The following GCLC variants were observed in gnomAD, a reference collection of about 807,000 sequenced individuals.
GCLC encodes the protein glutamate-cysteine ligase catalytic subunit, also known as glutamate--cysteine ligase catalytic subunit.
Under a neutral mutation model 81.5 loss-of-function variants are expected in GCLC, and 30 were observed. That is an observed-to-expected ratio of 0.37 (90% CI 0.28 to 0.50). The LOEUF (loss-of-function observed/expected upper bound fraction) is 0.50, where lower values mean the gene tolerates loss of function less well. GCLC is among the 20% of genes least tolerant of loss of function. The probability of loss-of-function intolerance (pLI) is 0.96; values close to 1 mark genes in which losing one functional copy is unlikely to be tolerated. For missense variants in GCLC, 556 were observed against 777.4 expected (o/e 0.72, Z 3.39); for synonymous variants, 262 against 273.3 (o/e 0.96, Z 0.41).
intron 1 of GCLC, among the ~76,000 whole-genome samples, chr6:53,534,317 G>A (rs1221790694): frequency 1.3e-5 from 2 of 152,048 alleles, no homozygotes; most frequent in African/African-American, 2.4e-5. Flanking sequence ...TAAATCTTGG[G>A]TGCTGGCAAG....
chr6:53,520,550 C>G (rs565353167), intron 3 of GCLC, among the ~76,000 whole-genome samples: 1 of 152,318 alleles, frequency 6.6e-6, no homozygotes, highest in East Asian at 1.9e-4. Flanking sequence ...TCCCACTGAG[C>G]CCCCACTGAG....
In GCLC at chr6:53,506,259, C is replaced by A. The variant is rs971786125; in HGVS notation, c.1198-364G>T. 6.2e-6 allele frequency: 2 copies of A among 322,308 alleles called. No individual in the cohort carries two copies. The highest frequency in any genetic ancestry group is 5.6e-5 in the South Asian group (2 of 35,690). 20.0% of individuals were successfully genotyped at this position (322,308 alleles called of 1,614,324 possible). The stretch of plus-strand genomic sequence containing the variant: ...GACACTGGACACTTTCATCTGAGAA[C>A]CCTGTCACATGACAGTTGTTTCCTT... On this transcript the variant is annotated intron_variant, in intron 10 of 15. Coordinates refer to ENST00000650454, the MANE Select transcript of GCLC (RefSeq NM_001498.4). The surrounding 1 kb of genome is among the most constrained non-coding windows in gnomAD (Gnocchi z 4.0).
intron 2 of GCLC, among the ~76,000 whole-genome samples, chr6:53,522,095 A>G (rs1009370896): frequency 3.3e-5 from 5 of 152,278 alleles, no homozygotes; most frequent in Admixed American, 6.5e-5. Flanking sequence ...AAAATGTTTT[A>G]ATAAAAAACA....
rs553851570 is a variant in GCLC at position 53,544,914 on chromosome 6, C to A, written c.-269G>T. 7.8e-4 allele frequency: 216 copies of A among 277,046 alleles called. No homozygotes were observed. The highest frequency in any genetic ancestry group is 1.3e-3 in the Non-Finnish European group (188 of 149,174). The allele number at this position is 277,046 out of a possible 1,614,324, so 17.2% of individuals were successfully genotyped here. A position where few individuals can be genotyped will look rare whatever the true frequency, so the allele number is the denominator to read the frequency against. On this transcript the variant is annotated 5_prime_UTR_variant, in exon 1 of 16. Coordinates refer to ENST00000650454, the MANE Select transcript of GCLC (RefSeq NM_001498.4). ...GCAGGCGGGACGGCTCTCGGCCCGG[C>A]GGCCTCGCCCTCCCCGCTGCTCCTC...
intron 1 of GCLC, among the ~76,000 whole-genome samples, chr6:53,526,536 T>C (rs566894142): frequency 1.5e-4 from 23 of 152,210 alleles, no homozygotes; most frequent in East Asian, 7.7e-4. Context: ...CGGTGGCTCA[T>C]GCCTGTAATC....
At chr6:53,532,417 A>C (rs1763189594) in intron 1 of GCLC, among the ~76,000 whole-genome samples, 2 of 152,342 alleles carry the variant, frequency 1.3e-5, no homozygotes, top group East Asian at 3.9e-4. Context: ...TCCAGGAATA[A>C]AGTTTTTGTT....
intron 3 of GCLC, among the ~76,000 whole-genome samples, chr6:53,518,239 T>C (rs1434672617): frequency 6.6e-6 from 1 of 152,070 alleles, no homozygotes; most frequent in Non-Finnish European, 1.5e-5. Context: ...AGATGCTGAA[T>C]CTTTTTATTT....
Position 53,498,850 on chromosome 6 carries a change from T to C in GCLC, c.1820A>G (p.Gln607Arg), listed in dbSNP as rs763988143. The C allele has an allele frequency of 1.9e-6, 3 of 1,612,576 alleles. No individual in the cohort carries two copies. Among genetic ancestry groups the C allele is most frequent in the Admixed American group, 3.3e-5 (2 of 60,018 alleles). The part of the protein sequence containing the change: ...MNYSLILKCN[Q>R]IANELCECPE... Reference sequence around the variant, plus strand: ...GCATTCACATAATTCATTTGCAATTTGGTTACACTTCAAAATAAGGCTATA... The same window carrying C: ...GCATTCACATAATTCATTTGCAATTCGGTTACACTTCAAAATAAGGCTATA... The change falls in exon 16 of 16, where the codon CAA (glutamine) becomes CGA (arginine). Residue 607 changes from glutamine to arginine, a missense_variant. By Grantham distance (43) the Gln-to-Arg change is conservative. This residue lies in a region of GCLC where 313 missense variants were observed against 437.3 expected (regional missense o/e 0.72). Transcript: ENST00000650454.
At chr6:53,516,334 T>A (rs1764871358) in intron 3 of GCLC, 112 bp from the exon 4 acceptor site, 2 of 734,128 alleles carry the variant, frequency 2.7e-6, no homozygotes, top group Non-Finnish European at 5.0e-6. Context: ...TATCCCCTTT[T>A]CAGAGGGCTT....
intron 12 of GCLC, 145 bp downstream of exon 12, chr6:53,505,247 A>T (rs932872491): frequency 3.1e-6 from 2 of 648,418 alleles, no homozygotes; most frequent in Non-Finnish European, 5.5e-6. Flanking sequence ...TTAAAAGAAA[A>T]TAAAGAATAG....
intron 6 of GCLC, among the ~76,000 whole-genome samples, chr6:53,510,954 T>G (rs912053418): frequency 6.6e-6 from 1 of 152,226 alleles, no homozygotes; most frequent in Non-Finnish European, 1.5e-5. Flanking sequence ...ATTAAGTCAC[T>G]GATAACCAAA....
rs181411098 is a variant in GCLC, at chr6:53,507,580, T to A, written c.984A>T (p.Arg328=). Reference sequence around the variant, plus strand: ...ATAAATAGCTGTCTATTGAGTCATATCGGGATTTACTGATCCTATAGTTAT... The same window carrying A: ...ATAAATAGCTGTCTATTGAGTCATAACGGGATTTACTGATCCTATAGTTAT... The part of the protein sequence containing the change: ...KNNNYRISKS[R]YDSIDSYLSK... The change falls in exon 9 of 16, where the codon CGA becomes CGT. Residue 328 remains arginine (R), a synonymous_variant. Transcript: ENST00000650454. 154 of 1,574,008 alleles carry A rather than the reference T, an allele frequency of 9.8e-5. 2 individuals carry two copies. In the East Asian group the frequency reaches 2.8e-3, roughly 29 times the overall value.
intron 3 of GCLC, among the ~76,000 whole-genome samples, chr6:53,520,466 G>A (rs1010963947): frequency 1.3e-5 from 2 of 152,210 alleles, no homozygotes; most frequent in African/African-American, 4.8e-5. Context: ...TGTGGCAGGC[G>A]TGCTGCTCCC....
rs765554330 is a variant in GCLC at position 53,500,323 on chromosome 6, C to A, written c.1505G>T (p.Gly502Val). Residue 502 changes from glycine (G) to valine (V), a missense_variant, in exon 14 of 16, where the codon GGC becomes GTC. Gly to Val is a moderately radical substitution (Grantham distance 109). Around this residue, in one of 3 missense-constraint regions of GCLC, gnomAD observed 313 missense variants for 437.3 expected, o/e 0.72. Coordinates refer to ENST00000650454, the MANE Select transcript of GCLC (RefSeq NM_001498.4). ...KGGNAVVDGC[G>V]KAQNSTELAA... ...GAGCTCCGTGCTGTTCTGGGCCTTGCCACAACCATCCACCACTGCATTGCC... is the reference window on the plus strand; with the variant it reads ...GAGCTCCGTGCTGTTCTGGGCCTTGACACAACCATCCACCACTGCATTGCC... 5 of 1,614,072 alleles carry A rather than the reference C, an allele frequency of 3.1e-6. No individual in the cohort carries two copies. The highest frequency in any genetic ancestry group is 1.7e-5 in the Admixed American group (1 of 60,008).
At position 53,506,777 on chromosome 6, in the gene GCLC, T is replaced by C. The variant is rs1764623440; in HGVS notation, c.1197+136A>G. 3.0e-6 allele frequency: 2 copies of C among 666,358 alleles called. No homozygotes were observed. Among genetic ancestry groups the C allele is most frequent in the African/African-American group, 1.8e-5 (1 of 54,866 alleles). 41.3% of individuals were successfully genotyped at this position (666,358 alleles called of 1,614,324 possible). ...CTGGGTAAATGAAAGTCTTATGAAATTTCTTTTGTGTTCTCCACAGGTACA... is the reference window on the plus strand; with the variant it reads ...CTGGGTAAATGAAAGTCTTATGAAACTTCTTTTGTGTTCTCCACAGGTACA... On this transcript the variant is annotated intron_variant, in intron 10 of 15. Coordinates refer to ENST00000650454, the MANE Select transcript of GCLC (RefSeq NM_001498.4). The surrounding 1 kb of genome is among the most constrained non-coding windows in gnomAD (Gnocchi z 4.0).
At chr6:53,535,816 G>T (rs971730543) in intron 1 of GCLC, among the ~76,000 whole-genome samples, 2 of 152,108 alleles carry the variant, frequency 1.3e-5, no homozygotes, top group Non-Finnish European at 2.9e-5. Context: ...TGCCCATACC[G>T]GTGTTAACAA....
intron 1 of GCLC, among the ~76,000 whole-genome samples, chr6:53,523,653 G>A (rs1763035287): frequency 6.6e-6 from 1 of 152,136 alleles, no homozygotes. Context: ...TGCTTTTCAG[G>A]GGTGCACACT....
intron 6 of GCLC, 173 bp from the exon 7 acceptor site, chr6:53,509,423 A>G (rs898165735): frequency 2.0e-5 from 13 of 652,848 alleles, no homozygotes; most frequent in Non-Finnish European, 3.6e-5. Context: ...GAATTTAACT[A>G]GAAAATGGTA....
chr6:53,522,804 C>CA (rs573832349), intron 1 of GCLC: 60 of 267,386 alleles, frequency 2.2e-4, no homozygotes, highest in Non-Finnish European at 2.7e-4. Context: ...AGCTGTACTT[C>CA]AAAAAAAAGA....
Sources: gnomAD v4.1 joint callset for allele counts (sites outside exome capture counted in the v4.1 genomes callset) on GRCh38, gnomAD v4.1.1 for gene constraint, gnomAD v4.1.1 regional missense constraint, Gnocchi (gnomAD v3.1) non-coding constraint, MANE v1.5 for transcripts, NCBI Gene and HGNC (gene_info 2026-07-23, HGNC 2026-07-21) for gene names.